The following EDA variants were observed in gnomAD, a reference collection of about 807,000 sequenced individuals.
EDA encodes ectodysplasin-A.
A neutral mutation model predicts 23.6 loss-of-function variants in EDA; 2 were observed. The ratio of observed to expected loss-of-function variants is 0.08; its 90% confidence interval spans 0.03 to 0.27. The LOEUF is 0.27. EDA is among the 10% of genes least tolerant of loss of function. The pLI, the probability that EDA is intolerant of heterozygous loss-of-function variation, is 1.00. For synonymous variants in EDA, 131 were observed against 132.0 expected (o/e 0.99, Z 0.05); for missense variants, 229 against 324.2 (o/e 0.71, Z 2.26).
chrX:69,647,298 G>A (rs1446700832), intron 1 of EDA, among the ~76,000 whole-genome samples: 1 of 111,238 alleles, frequency 9.0e-6, no homozygotes, highest in Non-Finnish European at 1.9e-5. Context: ...TTCCAGCTTG[G>A]TTCCATTCTC....
chrX:69,799,802 A>G (rs1313182293), intron 1 of EDA, among the ~76,000 whole-genome samples: 2 of 62,379 alleles, frequency 3.2e-5, no homozygotes, highest in African/African-American at 6.5e-5. Context: ...CAAAAACAGT[A>G]TGCAGATTTC....
intron 1 of EDA, among the ~76,000 whole-genome samples, chrX:69,653,156 G>C (rs1396769998): frequency 1.8e-5 from 2 of 111,553 alleles, no homozygotes; most frequent in African/African-American, 6.5e-5. Flanking sequence ...ATTTCATTGA[G>C]CAGTGGCTGG....
intron 2 of EDA, among the ~76,000 whole-genome samples, chrX:70,014,396 C>G (rs1269322212): frequency 7.1e-5 from 8 of 112,722 alleles, no homozygotes; most frequent in African/African-American, 2.3e-4. Context: ...AGCGCAAAGC[C>G]TCAGCCCTCT....
chrX:69,645,668 G>A (rs1242029244), intron 1 of EDA, among the ~76,000 whole-genome samples: 1 of 90,920 alleles, frequency 1.1e-5, no homozygotes, highest in Non-Finnish European at 2.2e-5. Flanking sequence ...GGGTACATGT[G>A]CACAATGTGC....
intron 1 of EDA, among the ~76,000 whole-genome samples, chrX:69,804,052 A>T (rs2015758089): frequency 9.1e-6 from 1 of 110,462 alleles, no homozygotes; most frequent in Non-Finnish European, 1.9e-5. Context: ...TTCTTTATCC[A>T]TTCATCTATT....
intron 1 of EDA, among the ~76,000 whole-genome samples, chrX:69,754,423 C>T (rs1375270376): frequency 2.7e-5 from 3 of 112,100 alleles, no homozygotes; most frequent in Non-Finnish European, 5.6e-5. Flanking sequence ...AGAGTTTCTG[C>T]CGAGAGATCA....
chrX:69,831,111 A>G (rs1279670906), intron 1 of EDA, among the ~76,000 whole-genome samples: 1 of 111,633 alleles, frequency 9.0e-6, no homozygotes, highest in Non-Finnish European at 1.9e-5. Flanking sequence ...CATGTGCACA[A>G]CGTACAAGTT....
chrX:69,843,521 G>C (rs2016937802), intron 1 of EDA, among the ~76,000 whole-genome samples: 1 of 110,534 alleles, frequency 9.0e-6, no homozygotes, highest in Non-Finnish European at 1.9e-5. Flanking sequence ...GTATTTCTAA[G>C]TCAGTGCAGT....
rs1050325509 is a variant in EDA, at chrX:69,944,511, G to C, written c.397-12516G>C. Among the ~76,000 whole-genome samples, 14 of 111,582 alleles carry C rather than the reference G, an allele frequency of 1.3e-4. No homozygotes were observed. In the Admixed American group the frequency reaches 1.3e-3, roughly 11 times the overall value. ...AATGGGAGCCTTAGGACTCTGCCTGGTACCCTATTCTACTGTGGCTGAGCT... is the reference window on the plus strand; with the variant it reads ...AATGGGAGCCTTAGGACTCTGCCTGCTACCCTATTCTACTGTGGCTGAGCT... On this transcript the variant is annotated intron_variant, in intron 1 of 7. Transcript: ENST00000374552.
intron 1 of EDA, among the ~76,000 whole-genome samples, chrX:69,910,378 TGTGTGTG>T: frequency 2.2e-5 from 1 of 45,170 alleles, no homozygotes; most frequent in African/African-American, 9.4e-5. Flanking sequence ...AGAGAGAGTG[TGTGTGTG>T]TGTGTGTGTG....
chrX:69,900,925 A>G (rs1173197318), intron 1 of EDA, among the ~76,000 whole-genome samples: 1 of 111,256 alleles, frequency 9.0e-6, no homozygotes, highest in African/African-American at 3.3e-5. Flanking sequence ...TTTCCAGCCT[A>G]TGGTGGGGTG....
intron 1 of EDA, among the ~76,000 whole-genome samples, chrX:69,712,579 G>T (rs1249700552): frequency 9.0e-6 from 1 of 111,497 alleles, no homozygotes; most frequent in African/African-American, 3.3e-5. Context: ...TGGAGAGGAT[G>T]TGGAGAAATA....
At chrX:69,659,840 G>T (rs1165218526) in intron 1 of EDA, among the ~76,000 whole-genome samples, 1 of 111,512 alleles carries the variant, frequency 9.0e-6, no homozygotes, top group Non-Finnish European at 1.9e-5. Flanking sequence ...CTTTAAAGAT[G>T]CAGGTTTCTG....
intron 1 of EDA, among the ~76,000 whole-genome samples, chrX:69,844,003 C>T (rs1416224912): frequency 2.8e-5 from 2 of 70,850 alleles, no homozygotes; most frequent in East Asian, 9.1e-4. Context: ...GCCTGGGCGA[C>T]AGAGCAAGAC....
intron 1 of EDA, among the ~76,000 whole-genome samples, chrX:69,681,893 G>A (rs7065712): frequency 0.43 from 47,582 of 109,666 alleles, 7,970 homozygotes; most frequent in East Asian, 0.88. Flanking sequence ...AGGAGGAGAG[G>A]CGCTGTGCTT....
At chrX:69,749,933 T>C (rs1195679606) in intron 1 of EDA, among the ~76,000 whole-genome samples, 3 of 101,381 alleles carry the variant, frequency 3.0e-5, no homozygotes, top group Admixed American at 1.1e-4. Context: ...TTTTTTTTTT[T>C]TTTTTTTTTT....
At chrX:69,934,436 A>G (rs1226491602) in intron 1 of EDA, among the ~76,000 whole-genome samples, 1 of 111,132 alleles carries the variant, frequency 9.0e-6, no homozygotes, top group Admixed American at 9.6e-5. Flanking sequence ...CTGTGATCCT[A>G]CAGGGCAGAC....
rs912727228 is a variant in EDA at position 70,039,214 on chromosome X, G to A, written c.*3605G>A. 1.5e-4 allele frequency: 17 copies of A among 111,650 alleles called. No homozygotes were observed. The highest frequency in any genetic ancestry group is 5.5e-4 in the African/African-American group (17 of 30,638). The allele number at this position is 111,650 out of a possible 1,213,427, so 9.2% of individuals were successfully genotyped here. On this transcript the variant is annotated 3_prime_UTR_variant, in exon 8 of 8. Coordinates refer to ENST00000374552, the MANE Select transcript of EDA (RefSeq NM_001399.5). ...AGCACAAAGAAGAAAGCTGATTTTT[G>A]TCTTTTAATCCATTTCAGGACTCTC...
chrX:69,875,052 C>T (rs2017622628), intron 1 of EDA, among the ~76,000 whole-genome samples: 1 of 111,560 alleles, frequency 9.0e-6, no homozygotes, highest in South Asian at 3.8e-4. Flanking sequence ...CGAAAATAAC[C>T]ATACTGCCAA....
Sources: allele counts gnomAD v4.1 joint callset (sites outside exome capture counted in the v4.1 genomes callset), GRCh38; gene constraint gnomAD v4.1.1; transcripts MANE v1.5; gene names NCBI Gene and HGNC (gene_info 2026-07-23, HGNC 2026-07-21).